Variants in SLC39A11 observed in about 807,000 individuals in gnomAD.
SLC39A11 encodes solute carrier family 39 member 11.
SLC39A11 carries 33 observed loss-of-function variants against 36.1 expected under a neutral mutation model. The observed-to-expected ratio is 0.91, with a 90% CI of 0.69 to 1.22. SLC39A11 has a LOEUF of 1.22. Ranked by LOEUF, SLC39A11 falls within the 50% of genes most tolerant of loss-of-function variation. The probability of loss-of-function intolerance (pLI) is 0.00; values close to 1 mark genes in which losing one functional copy is unlikely to be tolerated. For missense variants in SLC39A11, 432 were observed against 430.3 expected (o/e 1.00, Z -0.03); for synonymous variants, 166 against 170.3 (o/e 0.97, Z 0.20).
chr17:73,053,713 A>G (rs2059580591), intron 3 of SLC39A11, among the ~76,000 whole-genome samples: 1 of 152,282 alleles, frequency 6.6e-6, no homozygotes, highest in Non-Finnish European at 1.5e-5. Context: ...GCCAGAATAC[A>G]TGTCCACTAA....
chr17:73,051,037 A>T (rs770492770), intron 3 of SLC39A11, among the ~76,000 whole-genome samples: 4 of 152,266 alleles, frequency 2.6e-5, no homozygotes, highest in Non-Finnish European at 4.4e-5. Flanking sequence ...TGAGTGGCTT[A>T]TAACAACAGA....
intron 7 of SLC39A11, among the ~76,000 whole-genome samples, chr17:72,686,273 C>A (rs1163282977): frequency 1.7e-4 from 26 of 152,202 alleles, no homozygotes; most frequent in Admixed American, 1.7e-3. Flanking sequence ...ATGCTTCCAG[C>A]CAGATGCTGT....
At chr17:72,861,664 T>TATATATATATATC (rs1555605315) in intron 5 of SLC39A11, among the ~76,000 whole-genome samples, 4 of 101,086 alleles carry the variant, frequency 4.0e-5, no homozygotes, top group African/African-American at 1.6e-4. Context: ...ACATTATATA[T>TATATATATATATC]ATATATATAT....
At chr17:72,913,200 A>G (rs974321992) in intron 5 of SLC39A11, among the ~76,000 whole-genome samples, 1 of 151,822 alleles carries the variant, frequency 6.6e-6, no homozygotes, top group African/African-American at 2.4e-5. Flanking sequence ...CAAAAAAAAA[A>G]ATCCTTTTTT....
At chr17:73,072,600 C>G (rs2060195724) in intron 3 of SLC39A11, 1 of 152,202 alleles carries the variant, frequency 6.6e-6, no homozygotes, top group African/African-American at 2.4e-5. Flanking sequence ...CGTCTCCTTC[C>G]TGAGTGTTTT....
At chr17:72,660,471 C>G (rs1391918267) in intron 7 of SLC39A11, among the ~76,000 whole-genome samples, 2 of 152,156 alleles carry the variant, frequency 1.3e-5, no homozygotes. Context: ...AAATAACTGG[C>G]CCTGAAGGTT....
chr17:72,846,147 A>G (rs1467902731), intron 6 of SLC39A11, among the ~76,000 whole-genome samples: 1 of 148,316 alleles, frequency 6.7e-6, no homozygotes, highest in Admixed American at 6.9e-5. Flanking sequence ...CTCCTGCCTC[A>G]GCCTCCCAAG....
chr17:73,088,151 A>G (rs62074577), intron 2 of SLC39A11, among the ~76,000 whole-genome samples: 54,807 of 151,838 alleles, frequency 0.36, 10,083 homozygotes, highest in South Asian at 0.42. Flanking sequence ...AAAATTAGCC[A>G]GGCGTGGTGG....
intron 6 of SLC39A11, among the ~76,000 whole-genome samples, chr17:72,832,750 T>G (rs147506925): frequency 6.6e-6 from 1 of 152,352 alleles, no homozygotes; most frequent in East Asian, 1.9e-4. Context: ...ATCAAGGGAA[T>G]GGAGACAAAA....
chr17:72,771,343 G>A (rs1481502147), intron 6 of SLC39A11, among the ~76,000 whole-genome samples: 9 of 134,842 alleles, frequency 6.7e-5, no homozygotes, highest in East Asian at 4.3e-4. Context: ...GCAACAGAGC[G>A]AGACCCTATC....
At chr17:72,806,583 AC>A (rs1568123943) in intron 6 of SLC39A11, among the ~76,000 whole-genome samples, 1 of 151,944 alleles carries the variant, frequency 6.6e-6, no homozygotes, top group African/African-American at 2.4e-5. Context: ...TTATTGTATC[AC>A]TTTTGCACTT....
intron 6 of SLC39A11, among the ~76,000 whole-genome samples, chr17:72,767,940 G>A (rs1359723998): frequency 2.0e-5 from 3 of 151,948 alleles, no homozygotes; most frequent in Non-Finnish European, 2.9e-5. Flanking sequence ...CGCATCCAAA[G>A]CTCCTAGGTT....
intron 7 of SLC39A11, among the ~76,000 whole-genome samples, chr17:72,713,401 G>A (rs1243877321): frequency 6.6e-6 from 1 of 152,052 alleles, no homozygotes; most frequent in Non-Finnish European, 1.5e-5. Context: ...TCCCAGCCAG[G>A]GTGTAGATGG....
intron 4 of SLC39A11, among the ~76,000 whole-genome samples, chr17:73,008,633 T>C (rs2090329002): frequency 6.6e-6 from 1 of 152,172 alleles, no homozygotes; most frequent in Non-Finnish European, 1.5e-5. Context: ...CCTTGGTCAC[T>C]CATCTTACTA....
At chr17:72,860,379 C>T (rs2079914070) in intron 5 of SLC39A11, among the ~76,000 whole-genome samples, 1 of 152,172 alleles carries the variant, frequency 6.6e-6, no homozygotes, top group South Asian at 2.1e-4. Context: ...TCTGAATGTT[C>T]ATTCTGTGTG....
chr17:73,068,196 G>A, intron 3 of SLC39A11: 3 of 1,163,632 alleles, frequency 2.6e-6, no homozygotes, highest in Non-Finnish European at 3.7e-6. Flanking sequence ...GGGGGCTCCA[G>A]AGTGGTTGTT....
intron 6 of SLC39A11, among the ~76,000 whole-genome samples, chr17:72,817,212 C>T (rs902632360): frequency 2.0e-5 from 3 of 151,044 alleles, no homozygotes; most frequent in Admixed American, 6.6e-5. Context: ...ATGAGGGCCT[C>T]GGGAAGCTTC....
rs2075654053 is a variant in SLC39A11 at position 72,763,324 on chromosome 17, T to TA, written c.602-26606dup. 2.0e-5 allele frequency among the ~76,000 whole-genome samples: 3 copies of TA among 152,182 alleles called. No individual in the cohort carries two copies. In the South Asian group the frequency reaches 6.2e-4, roughly 32 times the overall value. ...AAAATTGCTGCTATTTAACAATGTT[T>TA]AAAAAACTACAAAACAGGAATTTCC... On this transcript the variant is annotated intron_variant, in intron 6 of 9. Coordinates refer to ENST00000255559, the MANE Select transcript of SLC39A11 (RefSeq NM_139177.4).
chr17:72,690,073 C>T (rs2071950424), intron 7 of SLC39A11, among the ~76,000 whole-genome samples: 1 of 152,168 alleles, frequency 6.6e-6, no homozygotes, highest in African/African-American at 2.4e-5. Flanking sequence ...CTCCTTCCTC[C>T]TTCTGGGGAG....
Sources: allele counts gnomAD v4.1 joint callset (sites outside exome capture counted in the v4.1 genomes callset), GRCh38; gene constraint gnomAD v4.1.1; transcripts MANE v1.5; gene names NCBI Gene and HGNC (gene_info 2026-07-23, HGNC 2026-07-21).